Variants in GAS2L1 observed in about 807,000 individuals in gnomAD.
GAS2L1 encodes GAS2-like protein 1.
Under a neutral mutation model 44.0 loss-of-function variants are expected in GAS2L1, and 26 were observed. That is an observed-to-expected ratio of 0.59 (90% confidence interval 0.43 to 0.82). The LOEUF (loss-of-function observed/expected upper bound fraction) is 0.82, where lower values mean the gene tolerates loss of function less well. Ranked by LOEUF, GAS2L1 falls within the 40% of genes least tolerant of loss-of-function variation. The pLI is 0.00. For missense variants in GAS2L1, 1,006 were observed against 983.0 expected (o/e 1.02, Z -0.31); for synonymous variants, 426 against 415.9 (o/e 1.02, Z -0.30).
exon 1 of GAS2L1, chr22:29,308,735 G>C (rs1290985261): frequency 6.7e-7 from 1 of 1,488,924 alleles, no homozygotes; most frequent in Non-Finnish European, 8.9e-7. Flanking sequence ...ACCTCGACGA[G>C]CTGGTGAGTC....
chr22:29,310,935 C>A, exon 4 of GAS2L1: 2 of 1,613,738 alleles, frequency 1.2e-6, no homozygotes, highest in African/African-American at 2.7e-5. Context: ...CGCCGGGGCT[C>A]CCGGCCTGAG....
At chr22:29,311,597 A>T in exon 5 of GAS2L1, 1 of 1,539,684 alleles carries the variant, frequency 6.5e-7, no homozygotes, top group Non-Finnish European at 8.7e-7. Context: ...GGAGGGAGCG[A>T]CCCAGCCGGC....
At chr22:29,307,970 C>A in exon 1 of GAS2L1, 1 of 631,200 alleles carries the variant, frequency 1.6e-6, no homozygotes. Context: ...CCAGAGCCAA[C>A]ATGTAAACCA....
rs775766805 is a variant in GAS2L1 at position 29,311,830 on chromosome 22, GGGGCAGGGGCAGTGGGGGCTC to G, written c.1387_1407del (p.Gly463_Arg469del). 1.9e-6 allele frequency: 3 copies of G among 1,591,596 alleles called. No individual in the cohort carries two copies. In the African/African-American group the frequency reaches 4.0e-5, roughly 21 times the overall value. The stretch of plus-strand genomic sequence containing the variant: ...GACGGGCAGCACTCATGGGTGCCAA[GGGGCAGGGGCAGTGGGGGCTC>G]GGGCAGGAGCACCCCCCAGACTCCC... On this transcript the variant is annotated inframe_deletion, in exon 5 of 5. Coordinates refer to ENST00000618518, the Ensembl canonical transcript of GAS2L1.
chr22:29,310,965 G>A (rs764679654), exon 4 of GAS2L1: 18 of 1,613,412 alleles, frequency 1.1e-5, no homozygotes, highest in African/African-American at 1.3e-5. Context: ...GTTAGCTTAC[G>A]AAGCACAAAG....
In GAS2L1 at chr22:29,311,801, T is replaced by A. The variant is rs1323910166; in HGVS notation, c.1350T>A (p.Asp450Glu). ...AGGCTGTGCTGCTTGTGCGCAGGGA[T>A]CGAGACGGGCAGCACTCATGGGTGC... Residue 450 changes from aspartate (D) to glutamate (E), a missense_variant, in exon 5 of 5, where the codon GAT becomes GAA. By Grantham distance (45) the Asp-to-Glu change is conservative. Coordinates refer to ENST00000618518, the Ensembl canonical transcript of GAS2L1. 9.5e-6 allele frequency: 15 copies of A among 1,580,908 alleles called. No homozygotes were observed. In the South Asian group the frequency reaches 1.4e-4, roughly 14 times the overall value.
chr22:29,310,885 C>T (rs375768444), exon 4 of GAS2L1: 2 of 1,613,374 alleles, frequency 1.2e-6, no homozygotes, highest in Non-Finnish European at 8.5e-7. Context: ...TGTCGCCCAC[C>T]ACCAGTCCCC....
In GAS2L1 at chr22:29,312,023, GT is replaced by G. The variant is rs1222871123; in HGVS notation, c.1574del (p.Phe525SerfsTer14). 1 of 1,612,226 alleles carries G rather than the reference GT, an allele frequency of 6.2e-7. No homozygotes were observed. Among genetic ancestry groups the G allele is most frequent in the East Asian group, 2.2e-5 (1 of 44,884 alleles). On this transcript the variant is annotated frameshift_variant, in exon 5 of 5. Transcript: ENST00000618518. LOFTEE classifies it high-confidence loss of function. ...AGCTGTTCCGGCGCCTGGAAGAGGA[GT>G]TCCTGGCCAATGCCCGGGCCCTTGA...
intron 1 of GAS2L1, among the ~76,000 whole-genome samples, chr22:29,309,238 C>G (rs899243999): frequency 1.3e-5 from 2 of 152,180 alleles, no homozygotes; most frequent in African/African-American, 4.8e-5. Flanking sequence ...CAGGTCTCCC[C>G]ACTCCCCAGG....
At chr22:29,310,097 C>T (rs2061386459) in intron 1 of GAS2L1, among the ~76,000 whole-genome samples, 1 of 151,932 alleles carries the variant, frequency 6.6e-6, no homozygotes, top group South Asian at 2.1e-4. Context: ...ACAAAATTAG[C>T]CGGGAGTGGT....
chr22:29,306,996 A>G (rs1242842261), upstream of GAS2L1: 2 of 152,002 alleles, frequency 1.3e-5, no homozygotes, highest in South Asian at 4.1e-4. Context: ...TCCGGGCAGG[A>G]TCCGAATTCC....
chr22:29,308,440 T>C, exon 1 of GAS2L1: 1 of 1,605,394 alleles, frequency 6.2e-7, no homozygotes, highest in Non-Finnish European at 8.5e-7. Flanking sequence ...TGGTGCCGCG[T>C]GGAGCTGGGT....
chr22:29,306,920 A>T (rs2301586), upstream of GAS2L1: 54,433 of 151,832 alleles, frequency 0.36, 10,132 homozygotes, highest in East Asian at 0.66. Flanking sequence ...CCCCAGCTCC[A>T]CCCCAGCTCC....
intron 1 of GAS2L1, 147 bp from the exon 3 acceptor site, chr22:29,310,292 G>T (rs181376667): frequency 3.7e-6 from 2 of 538,984 alleles, no homozygotes; most frequent in Non-Finnish European, 6.7e-6. Flanking sequence ...GAAAGGTCAC[G>T]TGTGGAAGCT....
exon 1 of GAS2L1, chr22:29,307,090 G>GGCGGC (rs1006757229): frequency 1.3e-5 from 2 of 151,902 alleles, no homozygotes; most frequent in African/African-American, 2.4e-5. Flanking sequence ...GCCTCCCTGC[G>GGCGGC]GCGGCCCGGC....
exon 3 of GAS2L1, chr22:29,310,706 G>A: frequency 1.2e-6 from 2 of 1,609,710 alleles, no homozygotes; most frequent in Non-Finnish European, 1.7e-6. Flanking sequence ...ACCTGGACAA[G>A]CACGACCCGT....
intron 4 of GAS2L1, 28 bp from the exon 6 acceptor site, chr22:29,311,434 A>G: frequency 1.2e-6 from 1 of 865,858 alleles, no homozygotes; most frequent in Non-Finnish European, 1.8e-6. Context: ...GTGGTACCCC[A>G]TCTGTCTCTA....
chr22:29,309,348 G>T (rs1248326370), intron 1 of GAS2L1, among the ~76,000 whole-genome samples: 1 of 152,214 alleles, frequency 6.6e-6, no homozygotes, highest in Non-Finnish European at 1.5e-5. Context: ...GCGTTGCTGG[G>T]CCCTGCCCCC....
rs1310910631 is a variant in GAS2L1, at chr22:29,311,237, G to C, written c.1011-225G>C. 43 of 588,774 alleles carry C rather than the reference G, an allele frequency of 7.3e-5. No individual in the cohort carries two copies. The East Asian group carries it at 1.2e-3, about 16-fold the overall frequency. The allele number at this position is 588,774 out of a possible 1,614,324, so 36.5% of individuals were successfully genotyped here. On this transcript the variant is annotated intron_variant, in intron 4 of 4. Transcript: ENST00000618518. The stretch of plus-strand genomic sequence containing the variant: ...GCTCTTGCTTCCTCTGGCCCGTCCT[G>C]GGAAGGGGGGTGTCTAGAGCCCAGG...
Sources: gnomAD v4.1 joint callset for allele counts (sites outside exome capture counted in the v4.1 genomes callset) on GRCh38, gnomAD v4.1.1 for gene constraint, MANE v1.5 for transcripts, NCBI Gene and HGNC (gene_info 2026-07-23, HGNC 2026-07-21) for gene names.